The following ADCY8 variants were observed in gnomAD, a reference collection of about 807,000 sequenced individuals.
ADCY8 encodes adenylate cyclase 8.
In ADCY8, 51 loss-of-function variants were observed where a neutral mutation model predicts 119.7. The observed-to-expected ratio is 0.43, with a 90% CI of 0.34 to 0.54. The LOEUF is 0.54. Ranked by LOEUF, ADCY8 falls within the 20% of genes least tolerant of loss-of-function variation. ADCY8 has a pLI of 0.03. For synonymous variants in ADCY8, 665 were observed against 651.0 expected, an observed-to-expected ratio of 1.02 and a Z score of -0.33; for missense variants, 1,383 against 1,598.8, an observed-to-expected ratio of 0.87 and a Z score of 2.30.
At chr8:130,923,717 G>C (rs1314586202) in intron 5 of ADCY8, among the ~76,000 whole-genome samples, 3 of 152,152 alleles carry the variant, frequency 2.0e-5, no homozygotes, top group Non-Finnish European at 2.9e-5. Context: ...CTATGTAATA[G>C]AATCTATTAT....
chr8:130,785,852 T>C (rs1158938586), intron 15 of ADCY8, among the ~76,000 whole-genome samples: 1 of 152,200 alleles, frequency 6.6e-6, no homozygotes, highest in Non-Finnish European at 1.5e-5. Context: ...ATCGTCTCCC[T>C]CTCTCACTCT....
chr8:130,834,330 T>C (rs1816922825), intron 12 of ADCY8, among the ~76,000 whole-genome samples: 1 of 152,040 alleles, frequency 6.6e-6, no homozygotes, highest in Admixed American at 6.6e-5. Context: ...TTACACATAA[T>C]CAGAGAAGCA....
chr8:130,986,995 C>T (rs1448579841), intron 2 of ADCY8, among the ~76,000 whole-genome samples: 1 of 152,104 alleles, frequency 6.6e-6, no homozygotes, highest in Non-Finnish European at 1.5e-5. Flanking sequence ...TCCCTCTCTT[C>T]TAATAATTAA....
At chr8:130,819,389 T>A (rs977988991) in intron 13 of ADCY8, among the ~76,000 whole-genome samples, 5 of 152,196 alleles carry the variant, frequency 3.3e-5, no homozygotes, top group African/African-American at 1.2e-4. Flanking sequence ...TGCAATTAGG[T>A]TATCTGCTTT....
At chr8:131,025,179 C>T (rs963596951) in intron 1 of ADCY8, among the ~76,000 whole-genome samples, 1 of 152,156 alleles carries the variant, frequency 6.6e-6, no homozygotes, top group African/African-American at 2.4e-5. Context: ...TGCTTATCCC[C>T]TTGGCTCTAT....
intron 12 of ADCY8, among the ~76,000 whole-genome samples, chr8:130,830,273 C>T (rs1816792073): frequency 6.6e-6 from 1 of 152,088 alleles, no homozygotes; most frequent in African/African-American, 2.4e-5. Context: ...AATGGTGGCT[C>T]CATCTTCCCT....
intron 15 of ADCY8, among the ~76,000 whole-genome samples, chr8:130,798,816 T>C (rs1253071893): frequency 6.6e-6 from 1 of 152,158 alleles, no homozygotes; most frequent in Non-Finnish European, 1.5e-5. Flanking sequence ...CATCTCAGCA[T>C]GTTCACAACA....
At chr8:130,898,260 G>A (rs1819473978) in intron 7 of ADCY8, among the ~76,000 whole-genome samples, 1 of 129,298 alleles carries the variant, frequency 7.7e-6, no homozygotes, top group Non-Finnish European at 1.7e-5. Context: ...TACCCTGTAA[G>A]GTTGGTGTGA....
At chr8:130,953,756 G>A (rs4736463) in intron 2 of ADCY8, among the ~76,000 whole-genome samples, 132,946 of 152,200 alleles carry the variant, frequency 0.87, 60,027 homozygotes, top group Non-Finnish European at 0.98. Context: ...CTGGCATCAA[G>A]TCCTTCTCCC....
rs191882487 is a variant in ADCY8, at chr8:131,019,428, C to A, written c.960+19946G>T. 3.8e-3 allele frequency among the ~76,000 whole-genome samples: 574 copies of A among 152,208 alleles called. 1 individual carries two copies. The highest frequency in any genetic ancestry group is 0.013 in the African/African-American group (558 of 41,528). ...CATTGGAGTTACAATTTGGCAGATT[C>A]TTTGGGTCATCTTCTCTTGATATGA... On this transcript the variant is annotated intron_variant, in intron 1 of 17. Transcript: ENST00000286355.
At chr8:130,866,883 A>G (rs1314469501) in intron 9 of ADCY8, among the ~76,000 whole-genome samples, 2 of 152,196 alleles carry the variant, frequency 1.3e-5, no homozygotes. Context: ...CCTGGCATGT[A>G]TAAGTGCTCA....
chr8:130,979,085 C>T (rs1822160541), intron 2 of ADCY8, among the ~76,000 whole-genome samples: 1 of 152,150 alleles, frequency 6.6e-6, no homozygotes, highest in South Asian at 2.1e-4. Context: ...GCAGTTTTCT[C>T]ATACTTGGTG....
chr8:130,876,357 G>C (rs778671800), intron 8 of ADCY8, among the ~76,000 whole-genome samples: 3 of 152,142 alleles, frequency 2.0e-5, no homozygotes, highest in Admixed American at 6.5e-5. Flanking sequence ...GGCCGGGTTT[G>C]ATTGTTCTGG....
At chr8:131,012,692 A>G (rs1330084079) in intron 1 of ADCY8, among the ~76,000 whole-genome samples, 1 of 152,188 alleles carries the variant, frequency 6.6e-6, no homozygotes. Flanking sequence ...GTCATGCTCC[A>G]AAACTGATCA....
At chr8:131,016,235 A>T (rs1289727441) in intron 1 of ADCY8, among the ~76,000 whole-genome samples, 2 of 152,118 alleles carry the variant, frequency 1.3e-5, no homozygotes, top group Non-Finnish European at 2.9e-5. Flanking sequence ...TACAATTTTA[A>T]ATAAGAGGCT....
intron 6 of ADCY8, among the ~76,000 whole-genome samples, chr8:130,905,674 C>T (rs1261899074): frequency 6.6e-6 from 1 of 152,056 alleles, no homozygotes; most frequent in Non-Finnish European, 1.5e-5. Flanking sequence ...GCCTGGGCAA[C>T]ATGACAAAAC....
chr8:130,919,143 G>C (rs1820222270), intron 5 of ADCY8, among the ~76,000 whole-genome samples: 1 of 152,206 alleles, frequency 6.6e-6, no homozygotes, highest in South Asian at 2.1e-4. Flanking sequence ...GGACTGGTCA[G>C]TATCGCATGT....
intron 2 of ADCY8, among the ~76,000 whole-genome samples, chr8:130,980,443 A>G (rs998065204): frequency 3.9e-5 from 6 of 152,216 alleles, no homozygotes; most frequent in African/African-American, 1.4e-4. Context: ...GGGTTGTTAC[A>G]GTGATGCAGG....
intron 1 of ADCY8, among the ~76,000 whole-genome samples, chr8:131,015,627 C>G (rs972770540): frequency 2.0e-5 from 3 of 152,108 alleles, no homozygotes; most frequent in African/African-American, 7.2e-5. Flanking sequence ...ATAGCTTTAT[C>G]CAGCTGTTAC....
Sources: gnomAD v4.1 joint callset for allele counts (sites outside exome capture counted in the v4.1 genomes callset) on GRCh38, gnomAD v4.1.1 for gene constraint, MANE v1.5 for transcripts, NCBI Gene and HGNC (gene_info 2026-07-23, HGNC 2026-07-21) for gene names.